Variants in NFATC1 observed in about 807,000 individuals in gnomAD.
The protein encoded by NFATC1 is nuclear factor of activated T-cells, cytoplasmic 1.
A neutral mutation model predicts 76.0 loss-of-function variants in NFATC1; 22 were observed. The observed-to-expected ratio is 0.29, with a 90% CI of 0.21 to 0.41. The LOEUF (loss-of-function observed/expected upper bound fraction) is 0.41, where lower values mean the gene tolerates loss of function less well. NFATC1 is among the 10% of genes least tolerant of loss of function. The probability of loss-of-function intolerance (pLI) is 1.00; values close to 1 mark genes in which losing one functional copy is unlikely to be tolerated. For synonymous variants in NFATC1, 704 were observed against 613.1 expected (o/e 1.15, Z -2.19); for missense variants, 1,357 against 1,337.7 (o/e 1.01, Z -0.23).
intron 1 of NFATC1, among the ~76,000 whole-genome samples, chr18:79,399,637 AAGG>A: frequency 6.6e-6 from 1 of 152,274 alleles, no homozygotes; most frequent in Middle Eastern, 3.4e-3. Context: ...CGCCCCGCTC[AAGG>A]AGGTCATCTT....
chr18:79,506,847 C>A (rs957357181), intron 9 of NFATC1, among the ~76,000 whole-genome samples: 1 of 152,202 alleles, frequency 6.6e-6, no homozygotes, highest in Non-Finnish European at 1.5e-5. Context: ...TTTTGAGAAT[C>A]TCTTGATCCT....
At chr18:79,457,098 G>A (rs1474688004) in intron 6 of NFATC1, among the ~76,000 whole-genome samples, 2 of 152,246 alleles carry the variant, frequency 1.3e-5, no homozygotes, top group Non-Finnish European at 2.9e-5. Context: ...CACTGTCGCC[G>A]TGTGCTCCGA....
intron 1 of NFATC1, among the ~76,000 whole-genome samples, chr18:79,403,551 AT>A (rs1447792482): frequency 6.6e-6 from 1 of 152,110 alleles, no homozygotes; most frequent in Non-Finnish European, 1.5e-5. Context: ...TTTCTAAGTT[AT>A]TTTGGCCAGC....
chr18:79,469,375 AC>A (rs2088680688), intron 8 of NFATC1: 1 of 985,324 alleles, frequency 1.0e-6, no homozygotes, highest in African/African-American at 1.7e-5. Context: ...AGCACAGATC[AC>A]GTATCTCAGA....
At chr18:79,429,297 G>A (rs1004528288) in intron 2 of NFATC1, among the ~76,000 whole-genome samples, 2 of 150,416 alleles carry the variant, frequency 1.3e-5, no homozygotes, top group Admixed American at 6.6e-5. Context: ...GTCGGTCACC[G>A]TCCAGACCGG....
At chr18:79,470,033 C>T (rs543549285) in intron 8 of NFATC1, 10 of 983,812 alleles carry the variant, frequency 1.0e-5, no homozygotes, top group African/African-American at 8.7e-5. Flanking sequence ...ATCCGTGTTC[C>T]GTCCCGCGTG....
chr18:79,444,753 A>G (rs113755284), intron 3 of NFATC1, among the ~76,000 whole-genome samples: 19,893 of 139,364 alleles, frequency 0.14, 1,770 homozygotes, highest in African/African-American at 0.3. Context: ...GCCCGACCCC[A>G]CAGACCACAC....
chr18:79,453,960 C>T (rs1303259379), intron 6 of NFATC1, among the ~76,000 whole-genome samples: 2 of 152,230 alleles, frequency 1.3e-5, no homozygotes, highest in Admixed American at 6.5e-5. Context: ...CAGCAGAAAG[C>T]CCCACATCCT....
Position 79,480,417 on chromosome 18 carries a change from A to G in NFATC1, c.2093-5831A>G, listed in dbSNP as rs146645742. On this transcript the variant is annotated intron_variant, in intron 8 of 9. Coordinates refer to ENST00000427363, the MANE Select transcript of NFATC1 (RefSeq NM_001278669.2). Reference sequence around the variant, plus strand: ...TGCCCCTGGGGGTGGTGGATGCATCAGTGCTGGGCCTGCTCCGAACCCGCA... The same window carrying G: ...TGCCCCTGGGGGTGGTGGATGCATCGGTGCTGGGCCTGCTCCGAACCCGCA... 4.9e-3 allele frequency among the ~76,000 whole-genome samples: 740 copies of G among 152,080 alleles called. 6 individuals carry two copies. Among genetic ancestry groups the G allele is most frequent in the African/African-American group, 0.017 (704 of 41,478 alleles).
chr18:79,522,052 A>AG (rs1318094551), intron 9 of NFATC1, among the ~76,000 whole-genome samples: 1 of 21,548 alleles, frequency 4.6e-5, no homozygotes, highest in Non-Finnish European at 8.2e-5. Context: ...GTGTGTGGGG[A>AG]GGGGGCGTCC....
intron 3 of NFATC1, among the ~76,000 whole-genome samples, chr18:79,438,561 T>C (rs1304911226): frequency 6.6e-6 from 1 of 152,210 alleles, no homozygotes; most frequent in Non-Finnish European, 1.5e-5. Context: ...GAATAATTAA[T>C]AGGTCACTGG....
In NFATC1 at chr18:79,463,939, C is replaced by T. The variant is rs113254358; in HGVS notation, c.1959+2573C>T. Among the ~76,000 whole-genome samples the T allele has an allele frequency of 4.4e-3, 664 of 152,374 alleles. 3 individuals carry two copies. Among genetic ancestry groups the T allele is most frequent in the African/African-American group, 0.015 (630 of 41,598 alleles). On this transcript the variant is annotated intron_variant, in intron 7 of 9. Coordinates refer to ENST00000427363, the MANE Select transcript of NFATC1 (RefSeq NM_001278669.2). ...TGAGCCTTTCTGCACTGAAAACAAT[C>T]CCAGCCAAGCTGACATCCACATTCT...
intron 8 of NFATC1, among the ~76,000 whole-genome samples, chr18:79,472,441 C>T (rs2088825778): frequency 6.6e-6 from 1 of 152,240 alleles, no homozygotes; most frequent in Admixed American, 6.5e-5. Context: ...CTCTCCTTCC[C>T]AGGGGTTTCC....
At position 79,486,617 on chromosome 18, in the gene NFATC1, T is replaced by C; in HGVS notation, c.2462T>C (p.Leu821Pro). 1.3e-6 allele frequency: 2 copies of C among 1,598,204 alleles called. No homozygotes were observed. Among genetic ancestry groups the C allele is most frequent in the Non-Finnish European group, 1.7e-6 (2 of 1,176,034 alleles). ...TCGCCCGGGCAGCCACCCCCGGCCCTGCTGCCACAGCAGGTGAGTGCGCCT... is the reference window on the plus strand; with the variant it reads ...TCGCCCGGGCAGCCACCCCCGGCCCCGCTGCCACAGCAGGTGAGTGCGCCT... ...PGSPGQPPPA[L>P]LPQQVSAPPS... Residue 821 changes from leucine to proline, a missense_variant, in exon 9 of 10, where the codon CTG becomes CCG. This residue lies in a region of NFATC1 where 424 missense variants were observed against 395.4 expected (regional missense o/e 1.07). Transcript: ENST00000427363.
intron 2 of NFATC1, among the ~76,000 whole-genome samples, chr18:79,427,897 A>AG (rs2086448342): frequency 8.2e-5 from 1 of 12,188 alleles, no homozygotes; most frequent in South Asian, 4.0e-3. Flanking sequence ...TGAGTCGGGG[A>AG]GGGGGGTGGC....
At chr18:79,423,876 G>C (rs1458280200) in intron 2 of NFATC1, among the ~76,000 whole-genome samples, 6 of 152,318 alleles carry the variant, frequency 3.9e-5, no homozygotes, top group Non-Finnish European at 8.8e-5. Context: ...GAGTCAGGCG[G>C]CCTTGGCTTC....
At chr18:79,424,730 C>G (rs557923241) in intron 2 of NFATC1, among the ~76,000 whole-genome samples, 1 of 130,470 alleles carries the variant, frequency 7.7e-6, no homozygotes, top group African/African-American at 2.9e-5. Context: ...TGTCTCTCTC[C>G]GTCTCTGTCT....
At chr18:79,406,925 G>A (rs1228338802) in intron 1 of NFATC1, among the ~76,000 whole-genome samples, 3 of 152,232 alleles carry the variant, frequency 2.0e-5, no homozygotes, top group African/African-American at 7.2e-5. Flanking sequence ...GGTCACCCAG[G>A]CGTGTGGGGC....
At chr18:79,450,916 C>T in intron 4 of NFATC1, 38 bp from the exon 5 acceptor site, 1 of 1,596,040 alleles carries the variant, frequency 6.3e-7, no homozygotes. Context: ...CCCGCGTCAG[C>T]CATTGAAAGA....
Sources: allele counts gnomAD v4.1 joint callset (sites outside exome capture counted in the v4.1 genomes callset), GRCh38; gene constraint gnomAD v4.1.1; regional missense constraint gnomAD v4.1.1; transcripts MANE v1.5; gene names NCBI Gene and HGNC (gene_info 2026-07-23, HGNC 2026-07-21).